KIAA1217: variants seen among roughly 807,000 people sequenced by gnomAD.
The protein encoded by KIAA1217 is sickle tail protein homolog.
In KIAA1217, 88 loss-of-function variants were observed where a neutral mutation model predicts 163.9. The observed-to-expected ratio is 0.54, with a 90% CI of 0.45 to 0.64. The LOEUF is 0.64. Among genes scored for constraint, KIAA1217 ranks in the 30% least tolerant of loss-of-function variants. KIAA1217 has a pLI of 0.00. For synonymous variants in KIAA1217, 903 were observed against 923.1 expected (o/e 0.98, Z 0.39); for missense variants, 2,372 against 2,475.0 (o/e 0.96, Z 0.88).
chr10:23,945,749 T>C (rs975015644), intron 1 of KIAA1217, among the ~76,000 whole-genome samples: 12 of 152,188 alleles, frequency 7.9e-5, no homozygotes, highest in Non-Finnish European at 1.8e-4. Context: ...GATTCTCCTG[T>C]ACTTCATTTC....
intron 2 of KIAA1217, among the ~76,000 whole-genome samples, chr10:24,197,637 CTGAG>C (rs531603166): frequency 7.1e-4 from 108 of 152,374 alleles, no homozygotes; most frequent in African/African-American, 2.3e-3. Flanking sequence ...ATTTTACTTC[CTGAG>C]TATTTCTCAA....
At chr10:24,415,663 C>T (rs561473219) in intron 3 of KIAA1217, among the ~76,000 whole-genome samples, 2 of 152,228 alleles carry the variant, frequency 1.3e-5, no homozygotes, top group African/African-American at 4.8e-5. Context: ...GCTTGAGACT[C>T]ACACACTCTT....
intron 1 of KIAA1217, among the ~76,000 whole-genome samples, chr10:23,727,047 G>A (rs950862883): frequency 3.7e-5 from 5 of 136,564 alleles, no homozygotes; most frequent in African/African-American, 1.4e-4. Flanking sequence ...GAGTGCAGTG[G>A]CATGATCTTG....
intron 1 of KIAA1217, among the ~76,000 whole-genome samples, chr10:23,931,239 G>A (rs1405044820): frequency 6.6e-6 from 1 of 152,094 alleles, no homozygotes; most frequent in Non-Finnish European, 1.5e-5. Flanking sequence ...ATAGGTATCA[G>A]CATTAGCTTG....
intron 1 of KIAA1217, among the ~76,000 whole-genome samples, chr10:23,826,638 A>G (rs758634958): frequency 2.6e-5 from 4 of 152,196 alleles, no homozygotes; most frequent in Non-Finnish European, 4.4e-5. Context: ...GAGTTCAAGT[A>G]GCGGACGGCC....
At chr10:24,406,624 C>A (rs1233221090) in intron 3 of KIAA1217, among the ~76,000 whole-genome samples, 5 of 152,206 alleles carry the variant, frequency 3.3e-5, no homozygotes, top group African/African-American at 1.2e-4. Flanking sequence ...AAACATTATG[C>A]AGCCAAAGCT....
At position 24,513,051 on chromosome 10, in the gene KIAA1217, C is replaced by G. The variant is rs552990899; in HGVS notation, c.2002-208C>G. 1.1e-3 allele frequency among the ~76,000 whole-genome samples: 169 copies of G among 152,356 alleles called. 2 individuals carry two copies. Among genetic ancestry groups the G allele is most frequent in the Non-Finnish European group, 1.5e-4 (10 of 68,034 alleles). ...AAGGATCCTTTGTCTTGCAGGCAGTCTGGTTGCCAGTTGGCTGCCAAAATT... is the reference window on the plus strand; with the variant it reads ...AAGGATCCTTTGTCTTGCAGGCAGTGTGGTTGCCAGTTGGCTGCCAAAATT... On this transcript the variant is annotated intron_variant, in intron 9 of 20. Transcript: ENST00000376454.
Position 24,533,109 on chromosome 10 carries a change from G to C in KIAA1217, c.3286G>C (p.Ala1096Pro). ...TGCTGGACCAAGCCCACAGACCAGAGCTACAAAATATCCAGCAGAGGAGCC... is the reference window on the plus strand; with the variant it reads ...TGCTGGACCAAGCCCACAGACCAGACCTACAAAATATCCAGCAGAGGAGCC... ...EDAGPSPQTRATKYPAEEPAS... is the reference protein window; with the variant it reads ...EDAGPSPQTRPTKYPAEEPAS... Residue 1096 changes from alanine (A) to proline (P), a missense_variant, in exon 16 of 21, where the codon GCT (alanine) becomes CCT (proline). Physicochemically the swap from Ala to Pro is conservative, Grantham distance 27. Around this residue, in one of 3 missense-constraint regions of KIAA1217, gnomAD observed 1,431 missense variants for 1,470.3 expected, o/e 0.97. Coordinates refer to ENST00000376454, the MANE Select transcript of KIAA1217 (RefSeq NM_019590.5). 1 of 1,613,844 alleles carries C rather than the reference G, an allele frequency of 6.2e-7. No individual in the cohort carries two copies. Among genetic ancestry groups the C allele is most frequent in the Non-Finnish European group, 8.5e-7 (1 of 1,179,954 alleles).
intron 3 of KIAA1217, among the ~76,000 whole-genome samples, chr10:24,410,491 C>G (rs1359924996): frequency 6.6e-6 from 1 of 152,108 alleles, no homozygotes; most frequent in Non-Finnish European, 1.5e-5. Context: ...TGTTGCTTAC[C>G]AGGTGGGTAA....
At chr10:23,792,369 T>A (rs760103851) in intron 1 of KIAA1217, among the ~76,000 whole-genome samples, 3 of 152,220 alleles carry the variant, frequency 2.0e-5, no homozygotes, top group Non-Finnish European at 2.9e-5. Context: ...TGAACAAATA[T>A]GATTAATTTA....
chr10:24,103,510 G>T (rs1337735490), intron 2 of KIAA1217, among the ~76,000 whole-genome samples: 1 of 152,056 alleles, frequency 6.6e-6, no homozygotes, highest in Non-Finnish European at 1.5e-5. Flanking sequence ...TCTGAAAAAG[G>T]ACTATTATAT....
At position 23,814,356 on chromosome 10, in the gene KIAA1217, A is replaced by G. The variant is rs74970608; in HGVS notation, c.-321+119122A>G. On this transcript the variant is annotated intron_variant, in intron 1 of 18. Transcript: ENST00000376462. ...AGCACAGACTCCAGATGAGCAGATC[A>G]GTGTTGGAATCCAGGTGTTCCTATT... 4.7e-3 allele frequency among the ~76,000 whole-genome samples: 721 copies of G among 152,314 alleles called. 2 individuals are homozygous for G. The highest frequency in any genetic ancestry group is 0.017 in the African/African-American group (696 of 41,572).
intron 1 of KIAA1217, among the ~76,000 whole-genome samples, chr10:23,869,658 A>G (rs958613081): frequency 6.6e-6 from 1 of 152,124 alleles, no homozygotes; most frequent in Admixed American, 6.6e-5. Flanking sequence ...CACTCTCACC[A>G]TCTCACCTTC....
chr10:24,313,718 G>A (rs569076652), intron 2 of KIAA1217, among the ~76,000 whole-genome samples: 1 of 152,206 alleles, frequency 6.6e-6, no homozygotes, highest in African/African-American at 2.4e-5. Context: ...ACCACCTTGA[G>A]AGAGGTGATC....
chr10:24,093,456 G>C (rs930879826), intron 2 of KIAA1217, among the ~76,000 whole-genome samples: 4 of 151,498 alleles, frequency 2.6e-5, no homozygotes, highest in Non-Finnish European at 5.9e-5. Context: ...ACAGGTGTGA[G>C]CCACCACTCT....
At chr10:24,439,652 T>TG (rs1229353938) in intron 5 of KIAA1217, among the ~76,000 whole-genome samples, 3 of 145,830 alleles carry the variant, frequency 2.1e-5, no homozygotes, top group African/African-American at 7.4e-5. Context: ...AATCTTTTCT[T>TG]TTTTTTTTTT....
chr10:23,864,439 G>A (rs1449363763), intron 1 of KIAA1217, among the ~76,000 whole-genome samples: 1 of 151,232 alleles, frequency 6.6e-6, no homozygotes, highest in Non-Finnish European at 1.5e-5. Context: ...TTATATACTT[G>A]CAGTTTTACT....
At chr10:24,425,416 G>C (rs1390924365) in intron 3 of KIAA1217, among the ~76,000 whole-genome samples, 4 of 152,104 alleles carry the variant, frequency 2.6e-5, no homozygotes, top group Non-Finnish European at 5.9e-5. Flanking sequence ...TCTTAAAGAG[G>C]CCACTCAAAA....
chr10:24,337,124 A>G (rs1009378326), intron 2 of KIAA1217, among the ~76,000 whole-genome samples: 4 of 152,318 alleles, frequency 2.6e-5, no homozygotes, highest in South Asian at 2.1e-4. Flanking sequence ...TGAAAAGGCA[A>G]CTCACACTGT....
Sources: allele counts gnomAD v4.1 joint callset (sites outside exome capture counted in the v4.1 genomes callset), GRCh38; gene constraint gnomAD v4.1.1; regional missense constraint gnomAD v4.1.1; transcripts MANE v1.5; gene names NCBI Gene and HGNC (gene_info 2026-07-23, HGNC 2026-07-21).